The following SH3BP4 variants were observed in gnomAD, a reference collection of about 807,000 sequenced individuals.
The protein encoded by SH3BP4 is SH3 domain-binding protein 4.
Under a neutral mutation model 65.5 loss-of-function variants are expected in SH3BP4, and 33 were observed. The observed-to-expected ratio is 0.50, with a 90% CI of 0.38 to 0.67. SH3BP4 has a LOEUF of 0.67. SH3BP4 is among the 30% of genes least tolerant of loss of function. The pLI is 0.00. For synonymous variants in SH3BP4, 552 were observed against 545.5 expected, an observed-to-expected ratio of 1.01 and a Z score of -0.17; for missense variants, 1,134 against 1,261.4, an observed-to-expected ratio of 0.90 and a Z score of 1.53.
Position 234,987,063 on chromosome 2 carries a change from C to T in SH3BP4, c.-206-8240C>T, listed in dbSNP as rs548621192. On this transcript the variant is annotated intron_variant, in intron 1 of 5. Coordinates refer to ENST00000392011, the MANE Select transcript of SH3BP4 (RefSeq NM_014521.3). ...CTTGGATTACAGGCATGAGCCACCC[C>T]GCCCGGCCTGCTAATGGTTTTCAGA... Among the ~76,000 whole-genome samples the T allele has an allele frequency of 4.0e-5, 6 of 148,990 alleles. No homozygotes were observed. The South Asian group carries it at 6.6e-4, about 16-fold the overall frequency.
At chr2:234,965,697 T>A (rs6713449) in intron 1 of SH3BP4, among the ~76,000 whole-genome samples, 1,904 of 152,274 alleles carry the variant, frequency 0.013, 25 homozygotes, top group African/African-American at 0.034. Flanking sequence ...GATGGGGGTT[T>A]TTTTCATGCT....
In SH3BP4 at chr2:234,978,236, G is replaced by T. The variant is rs1046667062; in HGVS notation, c.-206-17067G>T. On this transcript the variant is annotated intron_variant, in intron 1 of 5. Transcript: ENST00000392011. The surrounding 1 kb of genome is among the most constrained non-coding windows in gnomAD (Gnocchi z 4.1). ...CTCCCAAAGTGCTGGGATTACAGGC[G>T]TGAGCCACCATGCTGGCAGTCTGTT... Among the ~76,000 whole-genome samples the T allele has an allele frequency of 6.6e-6, 1 of 152,188 alleles. No homozygotes were observed. The highest frequency in any genetic ancestry group is 1.5e-5 in the Non-Finnish European group (1 of 68,034).
intron 5 of SH3BP4, among the ~76,000 whole-genome samples, chr2:235,053,179 G>A (rs1418174110): frequency 3.9e-5 from 6 of 152,182 alleles, no homozygotes; most frequent in Admixed American, 2.0e-4. Flanking sequence ...TTGTGTTCTC[G>A]CATGTTTGTG....
chr2:234,995,548 T>A (rs966255798), intron 2 of SH3BP4, 172 bp downstream of exon 2: 6 of 152,354 alleles, frequency 3.9e-5, no homozygotes, highest in African/African-American at 1.4e-4. Context: ...TCTCAGGCAC[T>A]GCAGGCCTGT....
intron 1 of SH3BP4, among the ~76,000 whole-genome samples, chr2:234,989,665 T>A (rs1310529330): frequency 6.6e-6 from 1 of 152,226 alleles, no homozygotes; most frequent in Non-Finnish European, 1.5e-5. Context: ...ATTGATAAAC[T>A]GGTGGGGCTG....
rs776091965 is a variant in SH3BP4, at chr2:235,042,963, G to A, written c.2194G>A (p.Gly732Ser). The change falls in exon 4 of 6, where the codon GGC becomes AGC. Residue 732 changes from glycine (G) to serine (S), a missense_variant. Coordinates refer to ENST00000392011, the MANE Select transcript of SH3BP4 (RefSeq NM_014521.3). The surrounding 1 kb of genome is among the most constrained non-coding windows in gnomAD (Gnocchi z 7.3). ...CAGGGCCCGGCCCAGCCTGTGCTCG[G>A]GCCCCGAGCTGAGCACCTCGGTGCT... is the stretch of plus-strand genomic sequence containing the variant. ...VGRARPSLCS[G>S]PELSTSVLLE... is the part of the protein sequence containing the mutation. 6.2e-7 allele frequency: 1 copy of A among 1,612,918 alleles called. No homozygotes were observed. Among genetic ancestry groups the A allele is most frequent in the Non-Finnish European group, 8.5e-7 (1 of 1,179,642 alleles).
chr2:235,053,532 C>G, intron 5 of SH3BP4, 60 bp from the exon 6 acceptor site: 10 of 1,318,942 alleles, frequency 7.6e-6, no homozygotes, highest in Non-Finnish European at 1.1e-5. Flanking sequence ...AAATCTCGTT[C>G]TGTCTCCTAA....
rs1161056212 is a variant in SH3BP4 at position 235,034,729 on chromosome 2, T to C, written c.-132-142T>C. The C allele has an allele frequency of 2.4e-6, 1 of 420,378 alleles. No homozygotes were observed. 26.0% of individuals were successfully genotyped at this position (420,378 alleles called of 1,614,324 possible). A position where few individuals can be genotyped will look rare whatever the true frequency, so the allele number is the denominator to read the frequency against. ...GGCCAAGGAGCAAGCGCTGCTCTGC[T>C]CTGTTGGGCCAGGAAAGATGAAATG... On this transcript the variant is annotated intron_variant, in intron 2 of 5. Coordinates refer to ENST00000392011, the MANE Select transcript of SH3BP4 (RefSeq NM_014521.3). This position sits in a 1 kb window ranked among gnomAD's most constrained non-coding sequence, Gnocchi z 6.2.
At chr2:235,007,683 A>G (rs986366616) in intron 2 of SH3BP4, among the ~76,000 whole-genome samples, 2 of 152,156 alleles carry the variant, frequency 1.3e-5, no homozygotes, top group Admixed American at 1.3e-4. Flanking sequence ...GCCAGTTGCT[A>G]AGTGGGGAAG....
chr2:234,986,687 T>C (rs1190579247), intron 1 of SH3BP4, among the ~76,000 whole-genome samples: 2 of 152,216 alleles, frequency 1.3e-5, no homozygotes, highest in Non-Finnish European at 2.9e-5. Flanking sequence ...CTCAGTTCTC[T>C]TATCTGCTAA....
At chr2:235,022,482 C>T (rs995803788) in intron 2 of SH3BP4, among the ~76,000 whole-genome samples, 1 of 152,008 alleles carries the variant, frequency 6.6e-6, no homozygotes, top group Non-Finnish European at 1.5e-5. Flanking sequence ...GATCGTGCCA[C>T]TGCATTCCAG....
rs1696132458 is a variant in SH3BP4, at chr2:235,053,615, C to T, written c.2691C>T (p.Asp897=). Residue 897 remains aspartate, a synonymous_variant, in exon 6 of 6, where the codon GAC becomes GAT. Transcript: ENST00000392011. ...DSEAMWKPAY[D]FLLTWSHQIG... ...AGGCCATGTGGAAGCCTGCGTATGA[C>T]TTCTTACTCACCTGGAGCCATCAGA... 1 of 1,614,030 alleles carries T rather than the reference C, an allele frequency of 6.2e-7. No individual in the cohort carries two copies. The highest frequency in any genetic ancestry group is 8.5e-7 in the Non-Finnish European group (1 of 1,180,024).
At chr2:235,014,539 C>G (rs1048545728) in intron 2 of SH3BP4, among the ~76,000 whole-genome samples, 1 of 152,198 alleles carries the variant, frequency 6.6e-6, no homozygotes, top group East Asian at 1.9e-4. Context: ...CCGTGGACAT[C>G]TATTCTCAGT....
chr2:234,995,838 G>A (rs931199554), intron 2 of SH3BP4: 22 of 152,304 alleles, frequency 1.4e-4, no homozygotes, highest in Admixed American at 9.2e-4. Flanking sequence ...GTCGCCCTGC[G>A]ACGAGATGGG....
At chr2:234,992,348 C>T (rs994467415) in intron 1 of SH3BP4, among the ~76,000 whole-genome samples, 10 of 152,160 alleles carry the variant, frequency 6.6e-5, no homozygotes, top group African/African-American at 2.4e-4. Flanking sequence ...GGCTGGAGGG[C>T]GGCTCTCCAG....
chr2:234,958,298 T>G (rs542469307), intron 1 of SH3BP4, among the ~76,000 whole-genome samples: 1 of 152,078 alleles, frequency 6.6e-6, no homozygotes, highest in Non-Finnish European at 1.5e-5. Context: ...GAGCTTTCCT[T>G]GGAGGCAGTA....
At chr2:235,043,327 G>C (rs1026746957) in intron 4 of SH3BP4, 80 bp downstream of exon 4, 13 of 1,201,296 alleles carry the variant, frequency 1.1e-5, no homozygotes, top group Middle Eastern at 2.8e-4. Context: ...ACATGGGCGT[G>C]GGCCGTGGTG....
Position 235,017,406 on chromosome 2 carries a change from A to G in SH3BP4, c.-132-17465A>G, listed in dbSNP as rs145993760. On this transcript the variant is annotated intron_variant, in intron 2 of 5. Coordinates refer to ENST00000392011, the MANE Select transcript of SH3BP4 (RefSeq NM_014521.3). ...GGTTGCAGTGAGCTGAGATCGTGCC[A>G]CTGCACTCCAACCTGGGCAACAGAG... Among the ~76,000 whole-genome samples, 1,308 of 150,462 alleles carry G rather than the reference A, an allele frequency of 8.7e-3. 5 individuals are homozygous for G. Among genetic ancestry groups the G allele is most frequent in the Non-Finnish European group, 0.012 (822 of 67,716 alleles).
intron 4 of SH3BP4, among the ~76,000 whole-genome samples, chr2:235,048,014 T>C (rs1407265482): frequency 2.0e-5 from 3 of 151,936 alleles, no homozygotes; most frequent in African/African-American, 4.8e-5. Flanking sequence ...ATGGGGCGCA[T>C]TGGGGCGGGA....
Sources: gnomAD v4.1 joint callset for allele counts (sites outside exome capture counted in the v4.1 genomes callset) on GRCh38, gnomAD v4.1.1 for gene constraint, Gnocchi (gnomAD v3.1) non-coding constraint, MANE v1.5 for transcripts, NCBI Gene and HGNC (gene_info 2026-07-23, HGNC 2026-07-21) for gene names.